Variants in ITPRID1 observed in about 807,000 individuals in gnomAD.
ITPRID1 encodes the protein ITPR interacting domain containing 1, also known as protein ITPRID1.
A neutral mutation model predicts 95.4 loss-of-function variants in ITPRID1; 96 were observed. That is an observed-to-expected ratio of 1.01 (90% CI 0.85 to 1.19). ITPRID1 has a LOEUF of 1.19. Ranked by LOEUF, ITPRID1 falls within the 50% of genes most tolerant of loss-of-function variation. The pLI is 0.00. For synonymous variants in ITPRID1, 510 were observed against 453.6 expected (o/e 1.12, Z -1.58); for missense variants, 1,339 against 1,252.9 (o/e 1.07, Z -1.04).
At chr7:31,515,800 A>G (rs1333135862) in intron 1 of ITPRID1, among the ~76,000 whole-genome samples, 2 of 152,212 alleles carry the variant, frequency 1.3e-5, no homozygotes, top group South Asian at 2.1e-4. Context: ...TTTCTTATCT[A>G]CAGAAAGAAT....
At chr7:31,587,957 A>T (rs928976706) in intron 10 of ITPRID1, among the ~76,000 whole-genome samples, 2 of 152,172 alleles carry the variant, frequency 1.3e-5, no homozygotes, top group Admixed American at 6.5e-5. Context: ...CTGAAACTGG[A>T]TCCCTTCCTT....
chr7:31,616,961 A>G (rs1023899567), intron 10 of ITPRID1, among the ~76,000 whole-genome samples: 1 of 152,126 alleles, frequency 6.6e-6, no homozygotes, highest in South Asian at 2.1e-4. Context: ...CTAGATAATT[A>G]TATCTTCTCT....
intron 10 of ITPRID1, among the ~76,000 whole-genome samples, chr7:31,606,633 A>G (rs1786638106): frequency 6.6e-6 from 1 of 152,212 alleles, no homozygotes; most frequent in Non-Finnish European, 1.5e-5. Context: ...AGAAATTTTA[A>G]AAAATTCTTA....
chr7:31,531,760 A>G (rs1000331640), intron 1 of ITPRID1, among the ~76,000 whole-genome samples: 2 of 152,160 alleles, frequency 1.3e-5, no homozygotes, highest in Admixed American at 1.3e-4. Context: ...GCTTTCCCAC[A>G]GGGGTTGTGG....
At chr7:31,587,276 G>A (rs1785656872) in intron 10 of ITPRID1, among the ~76,000 whole-genome samples, 3 of 152,122 alleles carry the variant, frequency 2.0e-5, no homozygotes, top group South Asian at 4.2e-4. Flanking sequence ...AAGCTGATAA[G>A]CAACTTCAGC....
At chr7:31,619,647 C>A (rs1037851995) in intron 10 of ITPRID1, among the ~76,000 whole-genome samples, 35 of 152,056 alleles carry the variant, frequency 2.3e-4, no homozygotes, top group African/African-American at 8.2e-4. Flanking sequence ...CGAATAGGAA[C>A]AGCTCCAGTC....
intron 10 of ITPRID1, among the ~76,000 whole-genome samples, chr7:31,637,355 A>G (rs1789586232): frequency 3.3e-5 from 5 of 152,272 alleles, no homozygotes; most frequent in Admixed American, 2.0e-4. Flanking sequence ...TCCCACCAAC[A>G]GTGTAAAAGT....
chr7:31,615,182 A>G (rs936216339), intron 10 of ITPRID1, among the ~76,000 whole-genome samples: 3 of 152,132 alleles, frequency 2.0e-5, no homozygotes, highest in African/African-American at 7.2e-5. Context: ...CATACTGTAG[A>G]TATTTTCCCA....
At chr7:31,599,840 C>T (rs1178720826) in intron 10 of ITPRID1, among the ~76,000 whole-genome samples, 3 of 151,708 alleles carry the variant, frequency 2.0e-5, no homozygotes, top group East Asian at 1.9e-4. Flanking sequence ...GGACTACAGG[C>T]GCCTGCCACC....
chr7:31,649,345 A>G (rs1382861252), intron 12 of ITPRID1, among the ~76,000 whole-genome samples: 3 of 152,190 alleles, frequency 2.0e-5, no homozygotes, highest in Non-Finnish European at 4.4e-5. Flanking sequence ...GAGTCCACCT[A>G]GCTGTAAAGT....
Position 31,656,445 on chromosome 7 carries a change from A to T in ITPRID1, c.*3616A>T. On this transcript the variant is annotated 3_prime_UTR_variant, in exon 15 of 15. Transcript: ENST00000615280. ...ATGTCCATCACGTAGTAAGTGTTCA[A>T]TGCATGTTGGCTATTATTACAAGTG... 1 of 910,272 alleles carries T rather than the reference A, an allele frequency of 1.1e-6. No individual in the cohort carries two copies. The highest frequency in any genetic ancestry group is 1.3e-6 in the Non-Finnish European group (1 of 761,342). The allele number at this position is 910,272 out of a possible 1,614,324, so 56.4% of individuals were successfully genotyped here.
chr7:31,622,966 T>C (rs1788063370), intron 10 of ITPRID1, among the ~76,000 whole-genome samples: 1 of 152,112 alleles, frequency 6.6e-6, no homozygotes, highest in Non-Finnish European at 1.5e-5. Flanking sequence ...CATCAGAGAA[T>C]ACTACAAACA....
intron 1 of ITPRID1, among the ~76,000 whole-genome samples, chr7:31,525,046 T>C (rs1196296119): frequency 6.6e-6 from 1 of 152,194 alleles, no homozygotes; most frequent in Admixed American, 6.5e-5. Flanking sequence ...ACATTCACTA[T>C]TACACATACA....
In ITPRID1 at chr7:31,568,535, C is replaced by A. The variant is rs569801120; in HGVS notation, c.257-1223C>A. On this transcript the variant is annotated intron_variant, in intron 5 of 14. Coordinates refer to ENST00000615280, the MANE Select transcript of ITPRID1 (RefSeq NM_001257967.3). ...TGCACCCAGGAGAGCAACAAGTAAG[C>A]GGAAATAAGAACACTGGTGAACCTT... is the stretch of plus-strand genomic sequence containing the variant. Among the ~76,000 whole-genome samples, 4 of 152,276 alleles carry A rather than the reference C, an allele frequency of 2.6e-5. No homozygotes were observed. The South Asian group carries it at 8.3e-4, about 32-fold the overall frequency.
intron 1 of ITPRID1, among the ~76,000 whole-genome samples, chr7:31,532,673 T>A (rs1318332304): frequency 6.6e-6 from 1 of 152,206 alleles, no homozygotes; most frequent in Non-Finnish European, 1.5e-5. Flanking sequence ...AAGTGTTTAA[T>A]GCTTTATGAG....
At chr7:31,612,389 T>A (rs1029223251) in intron 10 of ITPRID1, among the ~76,000 whole-genome samples, 4 of 152,116 alleles carry the variant, frequency 2.6e-5, no homozygotes, top group African/African-American at 9.7e-5. Flanking sequence ...TGTGTGTGGG[T>A]CATTCTTTCT....
At chr7:31,617,206 T>G (rs1424519311) in intron 10 of ITPRID1, among the ~76,000 whole-genome samples, 1 of 152,180 alleles carries the variant, frequency 6.6e-6, no homozygotes, top group Non-Finnish European at 1.5e-5. Flanking sequence ...TATTATTTCT[T>G]CTATAAACTC....
chr7:31,610,974 T>C (rs1786841388), intron 10 of ITPRID1, among the ~76,000 whole-genome samples: 1 of 151,766 alleles, frequency 6.6e-6, no homozygotes, highest in Non-Finnish European at 1.5e-5. Context: ...ATTGATAAGG[T>C]AGGATTTATG....
chr7:31,657,356 T>G (rs2128223984), downstream of ITPRID1, among the ~76,000 whole-genome samples: 1 of 152,362 alleles, frequency 6.6e-6, no homozygotes, highest in Admixed American at 6.5e-5. Flanking sequence ...GGAGTCCTGC[T>G]TCTGTCTGCG....
Sources: gnomAD v4.1 joint callset for allele counts (sites outside exome capture counted in the v4.1 genomes callset) on GRCh38, gnomAD v4.1.1 for gene constraint, MANE v1.5 for transcripts, NCBI Gene and HGNC (gene_info 2026-07-23, HGNC 2026-07-21) for gene names.